The following COG5 variants were observed in gnomAD, a reference collection of about 807,000 sequenced individuals.
COG5 encodes the protein component of oligomeric golgi complex 5, also known as conserved oligomeric Golgi complex subunit 5.
A neutral mutation model predicts 110.4 loss-of-function variants in COG5; 86 were observed. The ratio of observed to expected loss-of-function variants is 0.78; its 90% CI spans 0.65 to 0.93. COG5 has a LOEUF of 0.93. Among genes scored for constraint, COG5 ranks in the 40% least tolerant of loss-of-function variants. The pLI is 0.00. For missense variants in COG5, 1,077 were observed against 987.0 expected, an observed-to-expected ratio of 1.09 and a Z score of -1.22; for synonymous variants, 360 against 334.6, an observed-to-expected ratio of 1.08 and a Z score of -0.83.
chr7:107,502,484 G>T (rs1798699901), intron 6 of COG5, among the ~76,000 whole-genome samples: 1 of 152,106 alleles, frequency 6.6e-6, no homozygotes, highest in Non-Finnish European at 1.5e-5. Context: ...ATAAAGATAT[G>T]TGTGCACGTG....
intron 5 of COG5, among the ~76,000 whole-genome samples, chr7:107,531,847 G>C (rs1346454395): frequency 1.3e-5 from 2 of 152,070 alleles, no homozygotes; most frequent in Non-Finnish European, 2.9e-5. Context: ...CAAGTTTTAG[G>C]ACTTTCAGTA....
chr7:107,204,885 T>A (rs547289586), intron 21 of COG5, among the ~76,000 whole-genome samples: 35 of 152,350 alleles, frequency 2.3e-4, no homozygotes, highest in African/African-American at 8.2e-4. Context: ...GTCAAAAAAT[T>A]GGGGCAGCGT....
At chr7:107,500,430 T>C (rs182501080) in intron 6 of COG5, among the ~76,000 whole-genome samples, 17 of 152,292 alleles carry the variant, frequency 1.1e-4, no homozygotes, top group Non-Finnish European at 1.5e-5. Flanking sequence ...AATCTCTGTG[T>C]ACTACCTCAT....
At chr7:107,211,331 A>G in intron 19 of COG5, 106 bp from the exon 20 acceptor site, 1 of 1,294,742 alleles carries the variant, frequency 7.7e-7, no homozygotes, top group Non-Finnish European at 1.1e-6. Context: ...TAGATTGGCT[A>G]CTGAAGGAGC....
chr7:107,418,844 A>T (rs1455248762), intron 6 of COG5, among the ~76,000 whole-genome samples: 1 of 151,860 alleles, frequency 6.6e-6, no homozygotes, highest in African/African-American at 2.4e-5. Flanking sequence ...GCACAATCAC[A>T]GCTCACTGCA....
rs1801138411 is a variant in COG5, at chr7:107,235,735, T to C, written c.2091+715A>G. ...AAAAGATTTTACCCTTGGTATGCTATACAAAAATAACAATCATCTTTGTTT... is the reference window on the plus strand; with the variant it reads ...AAAAGATTTTACCCTTGGTATGCTACACAAAAATAACAATCATCTTTGTTT... On this transcript the variant is annotated intron_variant, in intron 18 of 21. Transcript: ENST00000297135. Among the ~76,000 whole-genome samples the C allele has an allele frequency of 2.0e-5, 3 of 152,196 alleles. No homozygotes were observed. The South Asian group carries it at 6.2e-4, about 31-fold the overall frequency.
chr7:107,434,884 C>T (rs985351758), intron 6 of COG5, among the ~76,000 whole-genome samples: 3 of 151,596 alleles, frequency 2.0e-5, no homozygotes, highest in African/African-American at 7.3e-5. Context: ...GGAGGAGAAT[C>T]GCTTGAACCT....
chr7:107,466,210 AG>A (rs1796288163), intron 6 of COG5, among the ~76,000 whole-genome samples: 2 of 152,196 alleles, frequency 1.3e-5, no homozygotes, highest in Non-Finnish European at 2.9e-5. Flanking sequence ...ACAGTAAACC[AG>A]AAAACTGGAC....
intron 10 of COG5, among the ~76,000 whole-genome samples, chr7:107,351,507 T>G (rs1306259021): frequency 1.2e-4 from 18 of 152,004 alleles, no homozygotes; most frequent in Admixed American, 1.2e-3. Flanking sequence ...GAAACTACCA[T>G]CAGAGTGAAC....
intron 6 of COG5, among the ~76,000 whole-genome samples, chr7:107,487,429 T>C (rs947341438): frequency 6.6e-6 from 1 of 152,152 alleles, no homozygotes; most frequent in African/African-American, 2.4e-5. Flanking sequence ...CTCCAACTCC[T>C]GGCCTCAAGC....
chr7:107,339,715 T>A (rs1811019729), intron 10 of COG5, among the ~76,000 whole-genome samples: 1 of 151,742 alleles, frequency 6.6e-6, no homozygotes. Context: ...ACCAAGAAGA[T>A]CTCCCAACAC....
chr7:107,516,709 C>A (rs1799947990), intron 6 of COG5, among the ~76,000 whole-genome samples: 1 of 152,116 alleles, frequency 6.6e-6, no homozygotes, highest in African/African-American at 2.4e-5. Context: ...ACTGGTGATA[C>A]CCAGGTGAAC....
At chr7:107,305,805 G>A (rs373816368) in intron 11 of COG5, among the ~76,000 whole-genome samples, 3 of 151,874 alleles carry the variant, frequency 2.0e-5, no homozygotes, top group Non-Finnish European at 2.9e-5. Context: ...TGCTTGTATC[G>A]TCAAAATGTG....
At chr7:107,205,676 C>T (rs1260251989) in intron 21 of COG5, among the ~76,000 whole-genome samples, 3 of 152,194 alleles carry the variant, frequency 2.0e-5, no homozygotes, top group Non-Finnish European at 4.4e-5. Flanking sequence ...CCCTTCCTTG[C>T]TTACTTTCTT....
intron 6 of COG5, among the ~76,000 whole-genome samples, chr7:107,520,718 T>C (rs761491425): frequency 1.3e-5 from 2 of 152,082 alleles, no homozygotes; most frequent in Non-Finnish European, 2.9e-5. Flanking sequence ...GGCCATACTA[T>C]CCAAAGTAAT....
rs1222287472 is a variant in COG5 at position 107,230,640 on chromosome 7, A to T, written c.2143T>A (p.Ser715Thr). The T allele has an allele frequency of 6.2e-7, 1 of 1,613,272 alleles. No individual in the cohort carries two copies. Among genetic ancestry groups the T allele is most frequent in the Non-Finnish European group, 8.5e-7 (1 of 1,179,272 alleles). The change falls in exon 19 of 22, where the codon TCC (serine) becomes ACC (threonine). Residue 715 changes from serine to threonine, a missense_variant. Transcript: ENST00000297135. ...CTGAATGATCTCAGCATCCGATAGGACTTTCCTAAATCAGATACTCGTCTA... is the reference window on the plus strand; with the variant it reads ...CTGAATGATCTCAGCATCCGATAGGTCTTTCCTAAATCAGATACTCGTCTA... ...FCRRVSDLGK[S>T]YRMLRSFRPL...
At chr7:107,313,648 C>G (rs904418396) in intron 11 of COG5, among the ~76,000 whole-genome samples, 15 of 152,074 alleles carry the variant, frequency 9.9e-5, no homozygotes, top group Admixed American at 5.9e-4. Flanking sequence ...TTGTGGCCCC[C>G]CTTCAAGCAA....
At chr7:107,392,452 G>A (rs1790689475) in intron 7 of COG5, among the ~76,000 whole-genome samples, 1 of 152,046 alleles carries the variant, frequency 6.6e-6, no homozygotes. Flanking sequence ...GCAGAGTAGG[G>A]CTTCAAGTCT....
At chr7:107,344,369 T>G (rs923453026) in intron 10 of COG5, among the ~76,000 whole-genome samples, 1 of 152,182 alleles carries the variant, frequency 6.6e-6, no homozygotes, top group Non-Finnish European at 1.5e-5. Context: ...AACAAGAAAA[T>G]GTGCAGCTTC....
Sources: gnomAD v4.1 joint callset for allele counts (sites outside exome capture counted in the v4.1 genomes callset) on GRCh38, gnomAD v4.1.1 for gene constraint, MANE v1.5 for transcripts, NCBI Gene and HGNC (gene_info 2026-07-23, HGNC 2026-07-21) for gene names.